TOX2: variants seen among roughly 807,000 people sequenced by gnomAD.
TOX2 encodes granulosa cell HMG box 1.
Under a neutral mutation model 47.4 loss-of-function variants are expected in TOX2, and 15 were observed. The observed-to-expected ratio is 0.32, with a 90% CI of 0.21 to 0.49. The LOEUF (loss-of-function observed/expected upper bound fraction) is 0.49, where lower values mean the gene tolerates loss of function less well. Among genes scored for constraint, TOX2 ranks in the 20% least tolerant of loss-of-function variants. The pLI is 0.99. For synonymous variants in TOX2, 290 were observed against 296.6 expected, an observed-to-expected ratio of 0.98 and a Z score of 0.23; for missense variants, 622 against 673.1, an observed-to-expected ratio of 0.92 and a Z score of 0.84.
chr20:43,986,085 A>G (rs537096249), intron 2 of TOX2, among the ~76,000 whole-genome samples: 3 of 152,108 alleles, frequency 2.0e-5, no homozygotes, highest in Non-Finnish European at 4.4e-5. Context: ...ACCTTTGGCT[A>G]TTGACTGCTG....
At chr20:43,927,322 G>C (rs925457853) in intron 1 of TOX2, among the ~76,000 whole-genome samples, 2 of 152,066 alleles carry the variant, frequency 1.3e-5, no homozygotes, top group Non-Finnish European at 2.9e-5. Flanking sequence ...AAAAGGGTTT[G>C]GTTAACCCTT....
At chr20:43,930,523 G>C (rs538222481) in intron 1 of TOX2, among the ~76,000 whole-genome samples, 1 of 152,206 alleles carries the variant, frequency 6.6e-6, no homozygotes, top group Non-Finnish European at 1.5e-5. Context: ...AAGGCTGGCA[G>C]ATGCAGCCCC....
At chr20:44,044,228 G>A (rs2071378880) in intron 3 of TOX2, among the ~76,000 whole-genome samples, 1 of 152,118 alleles carries the variant, frequency 6.6e-6, no homozygotes, top group Non-Finnish European at 1.5e-5. Flanking sequence ...ATTGAACAAT[G>A]AGAACACTTG....
In TOX2 at chr20:44,069,094, G is replaced by A. The variant is rs1207869852; in HGVS notation, c.*408G>A. On this transcript the variant is annotated 3_prime_UTR_variant, in exon 9 of 9. Coordinates refer to ENST00000341197, the MANE Select transcript of TOX2 (RefSeq NM_001098797.2). ...CAGAGGGCCGGCCCCCGGCATAGAT[G>A]TGCACATCGGTTTTCCAGTGTGAAC... The A allele has an allele frequency of 5.4e-6, 2 of 372,182 alleles. No individual in the cohort carries two copies. Among genetic ancestry groups the A allele is most frequent in the Non-Finnish European group, 1.0e-5 (2 of 190,806 alleles). 23.1% of individuals were successfully genotyped at this position (372,182 alleles called of 1,614,324 possible). A position where few individuals can be genotyped will look rare whatever the true frequency, so the allele number is the denominator to read the frequency against.
At chr20:44,020,818 A>T (rs1400014082) in intron 3 of TOX2, among the ~76,000 whole-genome samples, 1 of 152,190 alleles carries the variant, frequency 6.6e-6, no homozygotes, top group Non-Finnish European at 1.5e-5. Context: ...GTTTTAGGAC[A>T]CATAGGATGC....
At chr20:43,971,321 A>G (rs1174574580) in intron 1 of TOX2, among the ~76,000 whole-genome samples, 2 of 152,224 alleles carry the variant, frequency 1.3e-5, no homozygotes, top group African/African-American at 2.4e-5. Flanking sequence ...AGAATGCTAG[A>G]AGGTAACAGG....
chr20:43,968,657 T>C (rs1355767529), intron 1 of TOX2, among the ~76,000 whole-genome samples: 1 of 152,198 alleles, frequency 6.6e-6, no homozygotes. Flanking sequence ...CTCATTTCCA[T>C]GACAAAACTC....
intron 2 of TOX2, among the ~76,000 whole-genome samples, chr20:43,994,459 C>CACA (rs769159573): frequency 7.8e-6 from 1 of 128,000 alleles, no homozygotes; most frequent in Non-Finnish European, 1.7e-5. Context: ...ACCCTGTCTC[C>CACA]AAAAAAAAAA....
intron 3 of TOX2, among the ~76,000 whole-genome samples, chr20:44,021,284 A>G (rs2070971643): frequency 6.6e-6 from 1 of 152,144 alleles, no homozygotes; most frequent in Non-Finnish European, 1.5e-5. Context: ...ACAGAGTGTG[A>G]GCAGGTAGAC....
rs368468932 is a variant in TOX2 at position 44,063,797 on chromosome 20, C to T, written c.880-980C>T. On this transcript the variant is annotated intron_variant, in intron 5 of 8. Transcript: ENST00000341197. Reference sequence around the variant, plus strand: ...ATATACATATATATGTACACACACACACACACAAACACCATGAAATACTAC... The same window carrying T: ...ATATACATATATATGTACACACACATACACACAAACACCATGAAATACTAC... Among the ~76,000 whole-genome samples, 533 of 141,460 alleles carry T rather than the reference C, an allele frequency of 3.8e-3. 4 individuals are homozygous for T. Among genetic ancestry groups the T allele is most frequent in the African/African-American group, 0.01 (400 of 38,430 alleles). 92.8% of individuals were successfully genotyped at this position (141,460 alleles called of 152,430 possible).
chr20:44,033,568 G>A (rs2071189671), intron 3 of TOX2, among the ~76,000 whole-genome samples: 1 of 152,118 alleles, frequency 6.6e-6, no homozygotes, highest in African/African-American at 2.4e-5. Flanking sequence ...CTTACAAGAG[G>A]GAGATGGGAG....
intron 1 of TOX2, among the ~76,000 whole-genome samples, chr20:43,968,842 G>A (rs551197703): frequency 6.6e-6 from 1 of 152,308 alleles, no homozygotes; most frequent in South Asian, 2.1e-4. Context: ...TTCTTAAGCT[G>A]TTGTTTCTCC....
chr20:44,059,608 T>G (rs2071681198), intron 5 of TOX2, among the ~76,000 whole-genome samples: 1 of 151,824 alleles, frequency 6.6e-6, no homozygotes, highest in African/African-American at 2.4e-5. Flanking sequence ...CTAGAAGGGA[T>G]TGGGGTCCTA....
At chr20:44,067,482 C>T (rs1223202719) in intron 8 of TOX2, among the ~76,000 whole-genome samples, 1 of 152,120 alleles carries the variant, frequency 6.6e-6, no homozygotes, top group Non-Finnish European at 1.5e-5. Flanking sequence ...ACTAGAACAG[C>T]TAAGAATGCA....
At chr20:44,067,103 T>C (rs1188849399) in intron 8 of TOX2, among the ~76,000 whole-genome samples, 1 of 152,194 alleles carries the variant, frequency 6.6e-6, no homozygotes, top group East Asian at 1.9e-4. Context: ...GCTTCTTCCT[T>C]GCTCCTGTTT....
At chr20:43,918,991 C>T (rs1035908375) in intron 1 of TOX2, among the ~76,000 whole-genome samples, 1 of 152,180 alleles carries the variant, frequency 6.6e-6, no homozygotes, top group African/African-American at 2.4e-5. Context: ...GGGCCCATTC[C>T]AGGAAGAGGC....
intron 6 of TOX2, 103 bp from the exon 7 acceptor site, chr20:44,065,609 C>A: frequency 7.2e-7 from 1 of 1,381,576 alleles, no homozygotes; most frequent in Non-Finnish European, 9.9e-7. Flanking sequence ...AGACAGCCAG[C>A]CAGCAGCCGT....
At chr20:44,054,760 TA>T (rs1433336390) in intron 5 of TOX2, among the ~76,000 whole-genome samples, 1 of 152,066 alleles carries the variant, frequency 6.6e-6, no homozygotes, top group African/African-American at 2.4e-5. Flanking sequence ...TCCCGCAACT[TA>T]ACCATTCTGA....
Position 44,051,442 on chromosome 20 carries a change from G to A in TOX2, c.548G>A (p.Arg183Gln), listed in dbSNP as rs376494319. 479 of 1,613,888 alleles carry A rather than the reference G, an allele frequency of 3.0e-4. No individual in the cohort carries two copies. Among genetic ancestry groups the A allele is most frequent in the Non-Finnish European group, 3.8e-4 (450 of 1,179,954 alleles). The part of the protein sequence containing the change: ...QSQLISQMGI[R>Q]SSIAHSSPSP... Reference sequence around the variant, plus strand: ...CAGCTCATCTCGCAGATGGGCATCCGGAGCAGCATCGCCCACAGCTCCCCA... The same window carrying A: ...CAGCTCATCTCGCAGATGGGCATCCAGAGCAGCATCGCCCACAGCTCCCCA... Residue 183 changes from arginine (R) to glutamine (Q), a missense_variant, in exon 4 of 9, where the codon CGG (arginine) becomes CAG (glutamine). Arg to Gln is a conservative substitution (Grantham distance 43). Transcript: ENST00000341197.
Sources: gnomAD v4.1 joint callset for allele counts (sites outside exome capture counted in the v4.1 genomes callset) on GRCh38, gnomAD v4.1.1 for gene constraint, MANE v1.5 for transcripts, NCBI Gene and HGNC (gene_info 2026-07-23, HGNC 2026-07-21) for gene names.